STAG1: variants seen among roughly 807,000 people sequenced by gnomAD.
STAG1 encodes the protein STAG1 cohesin complex component, also known as cohesin subunit SA-1.
In STAG1, 26 loss-of-function variants were observed where a neutral mutation model predicts 170.9. The ratio of observed to expected loss-of-function variants is 0.15; its 90% CI spans 0.11 to 0.21. The LOEUF is 0.21. STAG1 is among the 10% of genes least tolerant of loss of function. STAG1 has a pLI of 1.00. For missense variants in STAG1, 964 were observed against 1,509.5 expected, an observed-to-expected ratio of 0.64 and a Z score of 5.99; for synonymous variants, 514 against 497.7, an observed-to-expected ratio of 1.03 and a Z score of -0.44.
intron 1 of STAG1, among the ~76,000 whole-genome samples, chr3:136,715,162 GTTT>G (rs1943504721): frequency 1.8e-5 from 2 of 113,664 alleles, no homozygotes; most frequent in Admixed American, 8.4e-5. Context: ...TGTATGTGGG[GTTT>G]TTTAACTTTT....
At chr3:136,462,416 T>C (rs112292959) in intron 13 of STAG1, among the ~76,000 whole-genome samples, 102 of 152,270 alleles carry the variant, frequency 6.7e-4, no homozygotes, top group African/African-American at 2.4e-3. Context: ...TGACATTATG[T>C]TAAGTGAATT....
intron 1 of STAG1, among the ~76,000 whole-genome samples, chr3:136,712,078 C>G (rs1054057849): frequency 6.6e-6 from 1 of 152,218 alleles, no homozygotes; most frequent in African/African-American, 2.4e-5. Context: ...AATGCAGTGG[C>G]ATGATCTCGG....
intron 13 of STAG1, among the ~76,000 whole-genome samples, chr3:136,464,178 G>A (rs1388748125): frequency 6.6e-6 from 1 of 151,630 alleles, no homozygotes; most frequent in East Asian, 1.9e-4. Flanking sequence ...AATCCCAGCA[G>A]TTTGGGAGGC....
intron 23 of STAG1, among the ~76,000 whole-genome samples, chr3:136,372,720 C>T (rs892124067): frequency 3.3e-5 from 5 of 152,146 alleles, no homozygotes; most frequent in African/African-American, 1.2e-4. Flanking sequence ...GGTGGATAAG[C>T]TTTTTGATGT....
chr3:136,685,545 G>A (rs1460498128), intron 1 of STAG1, among the ~76,000 whole-genome samples: 1 of 152,188 alleles, frequency 6.6e-6, no homozygotes, highest in Non-Finnish European at 1.5e-5. Context: ...ACAACTGACT[G>A]ACAAAACTTG....
At chr3:136,537,214 G>A (rs1372119397) in intron 6 of STAG1, among the ~76,000 whole-genome samples, 1 of 152,132 alleles carries the variant, frequency 6.6e-6, no homozygotes, top group Non-Finnish European at 1.5e-5. Context: ...TGTATTGTAA[G>A]AAAATATTAG....
chr3:136,401,087 C>T lies in STAG1; in HGVS notation c.2197-2258G>A, dbSNP rs893340833. 4.6e-5 allele frequency among the ~76,000 whole-genome samples: 7 copies of T among 152,294 alleles called. No individual in the cohort carries two copies. In the East Asian group the frequency reaches 1.3e-3, roughly 29 times the overall value. On this transcript the variant is annotated intron_variant, in intron 21 of 33. Transcript: ENST00000383202. ...TCCTTGCTATGACACCAATACCCCACCTGTACACTTGCAAGAGAATGAGAG... is the reference window on the plus strand; with the variant it reads ...TCCTTGCTATGACACCAATACCCCATCTGTACACTTGCAAGAGAATGAGAG...
At chr3:136,497,682 A>G (rs562557545) in intron 9 of STAG1, among the ~76,000 whole-genome samples, 6 of 151,710 alleles carry the variant, frequency 4.0e-5, no homozygotes, top group South Asian at 2.1e-4. Context: ...CTAGTTAAAA[A>G]AAAAATAAAA....
chr3:136,471,125 A>G, intron 12 of STAG1, among the ~76,000 whole-genome samples: 1 of 152,032 alleles, frequency 6.6e-6, no homozygotes, highest in African/African-American at 2.4e-5. Flanking sequence ...TAAATTAAAA[A>G]AAAAAAAAGA....
chr3:136,542,337 T>A, intron 5 of STAG1, 142 bp from the exon 6 acceptor site: 1 of 654,740 alleles, frequency 1.5e-6, no homozygotes, highest in Non-Finnish European at 2.5e-6. Context: ...CATAAAATGT[T>A]GTTTGATCAG....
intron 9 of STAG1, among the ~76,000 whole-genome samples, chr3:136,478,887 T>C (rs2089836404): frequency 1.3e-5 from 2 of 152,124 alleles, no homozygotes; most frequent in Non-Finnish European, 2.9e-5. Context: ...ACTAGCTGTG[T>C]GACCTTGGGT....
chr3:136,739,468 G>A (rs374070601), intron 1 of STAG1, among the ~76,000 whole-genome samples: 4 of 139,314 alleles, frequency 2.9e-5, no homozygotes, highest in Admixed American at 8.0e-5. Context: ...CCGTGATCAC[G>A]TCACAGCACT....
chr3:136,485,000 C>T (rs551581125), intron 9 of STAG1, among the ~76,000 whole-genome samples: 2 of 152,312 alleles, frequency 1.3e-5, no homozygotes, highest in East Asian at 1.9e-4. Context: ...GAGATGAACC[C>T]GGTACCTCAG....
At chr3:136,406,274 T>C (rs894198505) in intron 21 of STAG1, among the ~76,000 whole-genome samples, 12 of 152,188 alleles carry the variant, frequency 7.9e-5, no homozygotes, top group Non-Finnish European at 1.6e-4. Flanking sequence ...CAGGAAGATA[T>C]TATGCTCAGT....
intron 16 of STAG1, among the ~76,000 whole-genome samples, chr3:136,424,143 T>C (rs1296109089): frequency 6.6e-6 from 1 of 152,038 alleles, no homozygotes; most frequent in Non-Finnish European, 1.5e-5. Flanking sequence ...TTTAAGCATA[T>C]AAAATAATCA....
At chr3:136,701,051 T>C (rs1324117038) in intron 1 of STAG1, among the ~76,000 whole-genome samples, 1 of 151,402 alleles carries the variant, frequency 6.6e-6, no homozygotes, top group Non-Finnish European at 1.5e-5. Flanking sequence ...TTGGCTAATT[T>C]TTGTATTTTT....
At chr3:136,572,529 T>C (rs1402001587) in intron 4 of STAG1, among the ~76,000 whole-genome samples, 2 of 142,678 alleles carry the variant, frequency 1.4e-5, no homozygotes, top group Non-Finnish European at 3.0e-5. Flanking sequence ...GAGGTGGAGG[T>C]TGAGGAGGAA....
chr3:136,744,222 G>T (rs2107954525), intron 1 of STAG1, among the ~76,000 whole-genome samples: 1 of 152,300 alleles, frequency 6.6e-6, no homozygotes, highest in Non-Finnish European at 1.5e-5. Context: ...AGCTACTCGG[G>T]TGGCTGAGGC....
At chr3:136,360,498 A>G (rs756388025) in intron 26 of STAG1, among the ~76,000 whole-genome samples, 2 of 152,052 alleles carry the variant, frequency 1.3e-5, no homozygotes, top group Non-Finnish European at 2.9e-5. Context: ...CTCACCTCCC[A>G]ATCTCTCAAT....
Sources: allele counts gnomAD v4.1 joint callset (sites outside exome capture counted in the v4.1 genomes callset), GRCh38; gene constraint gnomAD v4.1.1; transcripts MANE v1.5; gene names NCBI Gene and HGNC (gene_info 2026-07-23, HGNC 2026-07-21).